Variants in UBE2Q2 observed in about 807,000 individuals in gnomAD.
The protein encoded by UBE2Q2 is ubiquitin-conjugating enzyme E2 Q2.
In UBE2Q2, 54 loss-of-function variants were observed where a neutral mutation model predicts 59.9. The ratio of observed to expected loss-of-function variants is 0.90; its 90% CI spans 0.72 to 1.13. The LOEUF (loss-of-function observed/expected upper bound fraction) is 1.13, where lower values mean the gene tolerates loss of function less well. UBE2Q2 is among the 50% of genes most tolerant of loss of function. The probability of loss-of-function intolerance (pLI) is 0.00; values close to 1 mark genes in which losing one functional copy is unlikely to be tolerated. For missense variants in UBE2Q2, 433 were observed against 441.9 expected (o/e 0.98, Z 0.18); for synonymous variants, 165 against 155.2 (o/e 1.06, Z -0.47).
chr15:75,857,196 CAT>C (rs961970083), intron 2 of UBE2Q2, among the ~76,000 whole-genome samples: 29 of 152,298 alleles, frequency 1.9e-4, no homozygotes, highest in African/African-American at 7.0e-4. Flanking sequence ...TAGATGGACA[CAT>C]GTTTACATCC....
chr15:75,858,108 C>T (rs1317999225), intron 2 of UBE2Q2, among the ~76,000 whole-genome samples: 1 of 152,164 alleles, frequency 6.6e-6, no homozygotes, highest in Non-Finnish European at 1.5e-5. Context: ...CCTCTGATCT[C>T]TTCTCCCTTG....
chr15:75,884,703 A>G (rs1264654190), intron 9 of UBE2Q2, among the ~76,000 whole-genome samples: 1 of 25,738 alleles, frequency 3.9e-5, no homozygotes, highest in African/African-American at 4.9e-5. Context: ...TTTGTTGCTC[A>G]GGCTGGAGTG....
chr15:75,880,091 T>C (rs535638672), intron 8 of UBE2Q2, among the ~76,000 whole-genome samples: 4 of 152,146 alleles, frequency 2.6e-5, no homozygotes, highest in Admixed American at 6.5e-5. Context: ...TTATGTGTTA[T>C]ATTTAATAAG....
rs565946329 is a variant in UBE2Q2, at chr15:75,846,446, C to T, written c.180+2600C>T. Among the ~76,000 whole-genome samples the T allele has an allele frequency of 1.4e-4, 21 of 152,150 alleles. No homozygotes were observed. In the East Asian group the frequency reaches 3.7e-3, roughly 27 times the overall value. On this transcript the variant is annotated intron_variant, in intron 1 of 12. Coordinates refer to ENST00000267938, the MANE Select transcript of UBE2Q2 (RefSeq NM_173469.4). ...AGAGACGGGGTTTCACCATGTTGGC[C>T]AGGCTGGTCTTGAACTCCACCTCAA... is the stretch of plus-strand genomic sequence containing the variant.
At chr15:75,889,503 T>C (rs540663944) in intron 9 of UBE2Q2, among the ~76,000 whole-genome samples, 32 of 152,264 alleles carry the variant, frequency 2.1e-4, no homozygotes, top group African/African-American at 7.7e-4. Flanking sequence ...GAATGGAAGA[T>C]GTGCAGGCTA....
chr15:75,893,008 T>C (rs1407553936), intron 11 of UBE2Q2, among the ~76,000 whole-genome samples: 1 of 151,832 alleles, frequency 6.6e-6, no homozygotes, highest in Non-Finnish European at 1.5e-5. Flanking sequence ...AGGGCAGAAG[T>C]TGGTGGGGTT....
At chr15:75,869,714 C>T (rs759553334) in intron 4 of UBE2Q2, among the ~76,000 whole-genome samples, 1 of 152,184 alleles carries the variant, frequency 6.6e-6, no homozygotes, top group Non-Finnish European at 1.5e-5. Context: ...AAGGTCCTAC[C>T]TCTTAATAGC....
intron 9 of UBE2Q2, among the ~76,000 whole-genome samples, chr15:75,886,174 C>T (rs1898755992): frequency 6.6e-6 from 1 of 151,662 alleles, no homozygotes; most frequent in African/African-American, 2.4e-5. Context: ...GGCTGGAGTG[C>T]AGTGGCGCAA....
At chr15:75,878,096 T>G in intron 7 of UBE2Q2, 75 bp downstream of exon 7, 1 of 1,267,566 alleles carries the variant, frequency 7.9e-7, no homozygotes, top group Non-Finnish European at 1.1e-6. Context: ...TCCTTCTAAC[T>G]TGATACCTTT....
intron 1 of UBE2Q2, among the ~76,000 whole-genome samples, chr15:75,848,607 T>C (rs1567013627): frequency 2.0e-5 from 3 of 152,206 alleles, no homozygotes; most frequent in African/African-American, 7.2e-5. Flanking sequence ...AACAGATATA[T>C]GAAGAGAAGA....
chr15:75,889,889 A>T (rs999641681), intron 9 of UBE2Q2, among the ~76,000 whole-genome samples: 2 of 152,266 alleles, frequency 1.3e-5, no homozygotes, highest in Non-Finnish European at 2.9e-5. Context: ...TTCAGAGAAT[A>T]GTCTTCAGGC....
At chr15:75,857,229 A>G (rs931491603) in intron 2 of UBE2Q2, among the ~76,000 whole-genome samples, 2 of 152,244 alleles carry the variant, frequency 1.3e-5, no homozygotes, top group African/African-American at 4.8e-5. Context: ...GGTTGATGGG[A>G]AAGAGTGGTA....
At chr15:75,851,007 T>C (rs1567015107) in intron 1 of UBE2Q2, among the ~76,000 whole-genome samples, 3 of 152,380 alleles carry the variant, frequency 2.0e-5, no homozygotes, top group East Asian at 1.9e-4. Flanking sequence ...TGTCATTTGC[T>C]TTTGCATTTA....
intron 2 of UBE2Q2, among the ~76,000 whole-genome samples, chr15:75,856,292 T>TATATATATATAA (rs1285992018): frequency 7.0e-6 from 1 of 142,184 alleles, no homozygotes; most frequent in African/African-American, 2.7e-5. Flanking sequence ...TATATATATA[T>TATATATATATAA]AATGAATTTC....
intron 2 of UBE2Q2, among the ~76,000 whole-genome samples, chr15:75,856,269 G>GTGTGTGTGTGTGTATATATATA (rs1256142539): frequency 7.9e-5 from 11 of 139,282 alleles, no homozygotes; most frequent in African/African-American, 3.0e-4. Context: ...GTGTGTGTGT[G>GTGTGTGTGTGTGTATATATATA]TATATATATA....
chr15:75,856,941 C>CAA (rs775019381), intron 2 of UBE2Q2, among the ~76,000 whole-genome samples: 4 of 118,690 alleles, frequency 3.4e-5, no homozygotes, highest in South Asian at 2.7e-4. Flanking sequence ...ACTCTGTCTC[C>CAA]AAAAAAAAAA....
intron 5 of UBE2Q2, among the ~76,000 whole-genome samples, chr15:75,875,625 A>G (rs1005268242): frequency 6.6e-6 from 1 of 152,122 alleles, no homozygotes; most frequent in Non-Finnish European, 1.5e-5. Context: ...ATTCTTTGTT[A>G]TTGTGGAATC....
rs961566020 is a variant in UBE2Q2, at chr15:75,866,015, A to G, written c.388-2936A>G. ...GAATTCTAAGTTCATAATTGAGTCT[A>G]TTCCCAGTTCTTTACGCTTTTATCT... On this transcript the variant is annotated intron_variant, in intron 3 of 12. Transcript: ENST00000267938. Among the ~76,000 whole-genome samples, 27 of 152,182 alleles carry G rather than the reference A, an allele frequency of 1.8e-4. 1 individual carries two copies. The highest frequency in any genetic ancestry group is 6.5e-4 in the African/African-American group (27 of 41,440).
chr15:75,883,277 A>G (rs959030115), intron 8 of UBE2Q2, 89 bp from the exon 9 acceptor site: 141 of 1,235,428 alleles, frequency 1.1e-4, no homozygotes, highest in South Asian at 1.4e-4. Context: ...AAATGTACAC[A>G]TTCTTTATAG....
Sources: allele counts gnomAD v4.1 joint callset (sites outside exome capture counted in the v4.1 genomes callset), GRCh38; gene constraint gnomAD v4.1.1; transcripts MANE v1.5; gene names NCBI Gene and HGNC (gene_info 2026-07-23, HGNC 2026-07-21).